The following TFB1M variants were observed in gnomAD, a reference collection of about 807,000 sequenced individuals.
TFB1M encodes the protein transcription factor B1, mitochondrial.
Under a neutral mutation model 31.1 loss-of-function variants are expected in TFB1M, and 27 were observed. The observed-to-expected ratio is 0.87, with a 90% CI of 0.64 to 1.20. TFB1M has a LOEUF of 1.20. TFB1M is among the 50% of genes most tolerant of loss of function. The pLI is 0.00. For missense variants in TFB1M, 394 were observed against 418.7 expected (o/e 0.94, Z 0.51); for synonymous variants, 166 against 151.8 (o/e 1.09, Z -0.69).
In TFB1M at chr6:155,260,405, G is replaced by A. The variant is rs201765388; in HGVS notation, c.667-5C>T. 30 of 1,614,024 alleles carry A rather than the reference G, an allele frequency of 1.9e-5. No homozygotes were observed. The highest frequency in any genetic ancestry group is 2.2e-5 in the Non-Finnish European group (26 of 1,180,020). On this transcript the variant is annotated splice_polypyrimidine_tract_variant and splice_region_variant and intron_variant, in intron 5 of 6. Transcript: ENST00000367166. ...GTGCACCACGCCCACGTCCACCTTC[G>A]TTGTAAGCAAACATATTATCATTCT... is the stretch of plus-strand genomic sequence containing the variant.
At chr6:155,292,187 C>A (rs140963098) in intron 4 of TFB1M, among the ~76,000 whole-genome samples, 1 of 152,104 alleles carries the variant, frequency 6.6e-6, no homozygotes, top group Non-Finnish European at 1.5e-5. Flanking sequence ...GGGAGCCAGA[C>A]CTGGAGATCT....
At chr6:155,249,079 G>A in the TFB1M span, among the ~76,000 whole-genome samples, 1 of 152,106 alleles carries the variant, frequency 6.6e-6, no homozygotes, top group African/African-American at 2.4e-5. Context: ...GTATTAAGAT[G>A]ATCTTTAGAA....
At chr6:155,272,799 C>G (rs1377283115) in intron 5 of TFB1M, among the ~76,000 whole-genome samples, 4 of 152,144 alleles carry the variant, frequency 2.6e-5, no homozygotes, top group African/African-American at 9.7e-5. Context: ...ATTGTTTACA[C>G]TGATTTTGGC....
the TFB1M span, among the ~76,000 whole-genome samples, chr6:155,231,781 G>C: frequency 6.6e-6 from 1 of 152,242 alleles, no homozygotes; most frequent in Non-Finnish European, 1.5e-5. Context: ...CTCCACTCAA[G>C]AGCATCATCT....
rs1784025423 is a variant in TFB1M, at chr6:155,256,374, T to TATCA, written c.*1458_*1461dup. On this transcript the variant is annotated 3_prime_UTR_variant, in exon 7 of 7. Transcript: ENST00000367166. ...CCAGGATAGTTGCTAACTGAAGTCA[T>TATCA]ATCATAAAATAAAATCTTAATGTTA... 6.1e-6 allele frequency: 9 copies of TATCA among 1,483,718 alleles called. No individual in the cohort carries two copies. The highest frequency in any genetic ancestry group is 2.7e-6 in the Non-Finnish European group (3 of 1,099,166). The allele number at this position is 1,483,718 out of a possible 1,614,324, so 91.9% of individuals were successfully genotyped here. A position where few individuals can be genotyped will look rare whatever the true frequency, so the allele number is the denominator to read the frequency against.
chr6:155,311,618 A>G (rs1174096152), intron 1 of TFB1M, among the ~76,000 whole-genome samples: 1 of 152,198 alleles, frequency 6.6e-6, no homozygotes, highest in Non-Finnish European at 1.5e-5. Flanking sequence ...TGTAGTTTCC[A>G]TCTGTCCCAT....
Position 155,256,944 on chromosome 6 carries a change from G to A in TFB1M, c.*892C>T, listed in dbSNP as rs1172136389. On this transcript the variant is annotated 3_prime_UTR_variant, in exon 7 of 7. Transcript: ENST00000367166. ...TTAAACGAAAAGCCAACAGCACCAA[G>A]AGGGACAGAGGAACTTTGCTCAAGG... The A allele has an allele frequency of 6.2e-6, 10 of 1,614,064 alleles. No individual in the cohort carries two copies. In the African/African-American group the frequency reaches 1.2e-4, roughly 19 times the overall value.
At chr6:155,304,245 G>A (rs1375247535) in intron 2 of TFB1M, among the ~76,000 whole-genome samples, 4 of 152,074 alleles carry the variant, frequency 2.6e-5, no homozygotes, top group Admixed American at 2.0e-4. Context: ...TCACGCCACT[G>A]CACTCCAGCC....
chr6:155,309,306 G>C (rs545232825), intron 2 of TFB1M, among the ~76,000 whole-genome samples: 1 of 152,204 alleles, frequency 6.6e-6, no homozygotes, highest in Non-Finnish European at 1.5e-5. Flanking sequence ...ACTGTTACGT[G>C]AGATAGAGGT....
chr6:155,261,792 C>T (rs183284365), intron 5 of TFB1M, among the ~76,000 whole-genome samples: 16 of 152,232 alleles, frequency 1.1e-4, no homozygotes, highest in African/African-American at 1.7e-4. Flanking sequence ...TGTGGGCTGG[C>T]GCATGCTGAG....
chr6:155,237,399 C>T, the TFB1M span, among the ~76,000 whole-genome samples: 2 of 152,222 alleles, frequency 1.3e-5, no homozygotes, highest in Non-Finnish European at 2.9e-5. Context: ...TTGCCAGGCA[C>T]AGGGTGCAAG....
intron 2 of TFB1M, among the ~76,000 whole-genome samples, chr6:155,309,611 C>T (rs187179308): frequency 1.3e-5 from 2 of 152,142 alleles, no homozygotes; most frequent in Admixed American, 1.3e-4. Flanking sequence ...ACCCCCTGGC[C>T]TAATAAGAAA....
Position 155,256,826 on chromosome 6 carries a change from AC to A in TFB1M, c.*1009del, listed in dbSNP as rs1306188613. On this transcript the variant is annotated 3_prime_UTR_variant, in exon 7 of 7. Coordinates refer to ENST00000367166, the MANE Select transcript of TFB1M (RefSeq NM_016020.4). ...AGGATTTCCGAGGACCCAGACGTTCACCCCGAGGCTGAGCAGCAGCCTGGCC... is the reference window on the plus strand; with the variant it reads ...AGGATTTCCGAGGACCCAGACGTTCACCCGAGGCTGAGCAGCAGCCTGGCC... 1 of 1,614,022 alleles carries A rather than the reference AC, an allele frequency of 6.2e-7. No individual in the cohort carries two copies. Among genetic ancestry groups the A allele is most frequent in the Admixed American group, 1.7e-5 (1 of 60,010 alleles).
chr6:155,305,699 AAATATATAT>A (rs1777723685), intron 2 of TFB1M, among the ~76,000 whole-genome samples: 57 of 46,450 alleles, frequency 1.2e-3, no homozygotes, highest in Middle Eastern at 0.011. Flanking sequence ...ATTTATATAT[AAATATATAT>A]TAAATTATAT....
the TFB1M span, among the ~76,000 whole-genome samples, chr6:155,250,202 A>G: frequency 0.26 from 39,036 of 151,964 alleles, 5,671 homozygotes; most frequent in Middle Eastern, 0.42. Context: ...TGGAACATCC[A>G]TGGAGGGTGA....
In TFB1M at chr6:155,285,268, C is replaced by T; in HGVS notation, c.556G>A (p.Ala186Thr). Residue 186 changes from alanine (A) to threonine (T), a missense_variant, in exon 5 of 7, where the codon GCC becomes ACC. This residue lies in a region of TFB1M where 273 missense variants were observed against 256.4 expected (regional missense o/e 1.06). Transcript: ENST00000367166. ...CTACGCTGTTTGCTTCCTGTATTGGCTGCAAGTCTCTAGAGAGAGACAAAA... is the reference window on the plus strand; with the variant it reads ...CTACGCTGTTTGCTTCCTGTATTGGTTGCAAGTCTCTAGAGAGAGACAAAA... ...FQKEVAERLAANTGSKQRSRL... is the reference protein window; with the variant it reads ...FQKEVAERLATNTGSKQRSRL... The T allele has an allele frequency of 1.2e-6, 2 of 1,613,920 alleles. No homozygotes were observed. The highest frequency in any genetic ancestry group is 1.7e-6 in the Non-Finnish European group (2 of 1,179,860).
the TFB1M span, among the ~76,000 whole-genome samples, chr6:155,249,500 A>G: frequency 6.6e-6 from 1 of 152,222 alleles, no homozygotes; most frequent in African/African-American, 2.4e-5. Context: ...GGGATGGTTT[A>G]GTCTTTGAGT....
intron 4 of TFB1M, among the ~76,000 whole-genome samples, chr6:155,295,973 T>C (rs538606958): frequency 7.7e-4 from 118 of 152,312 alleles, no homozygotes; most frequent in Middle Eastern, 3.4e-3. Context: ...CAATCCCCTA[T>C]GGATACCAAG....
In TFB1M at chr6:155,314,471, T is replaced by C; in HGVS notation, c.-43A>G. The C allele has an allele frequency of 6.2e-7, 1 of 1,609,490 alleles. No individual in the cohort carries two copies. The highest frequency in any genetic ancestry group is 8.5e-7 in the Non-Finnish European group (1 of 1,177,054). On this transcript the variant is annotated 5_prime_UTR_variant, in exon 1 of 7. Transcript: ENST00000367166. Reference sequence around the variant, plus strand: ...ATCCAACCCTACCTCACCCAGGACCTTCACCGCCGCTCCGAAAGAAACGCG... The same window carrying C: ...ATCCAACCCTACCTCACCCAGGACCCTCACCGCCGCTCCGAAAGAAACGCG...
Sources: gnomAD v4.1 joint callset for allele counts (sites outside exome capture counted in the v4.1 genomes callset) on GRCh38, gnomAD v4.1.1 for gene constraint, gnomAD v4.1.1 regional missense constraint, MANE v1.5 for transcripts, NCBI Gene and HGNC (gene_info 2026-07-23, HGNC 2026-07-21) for gene names.